Variants in ZNF385D observed in about 807,000 individuals in gnomAD.
ZNF385D encodes zinc finger protein 659.
ZNF385D carries 15 observed loss-of-function variants against 35.8 expected under a neutral mutation model. The ratio of observed to expected loss-of-function variants is 0.42; its 90% confidence interval spans 0.28 to 0.64. ZNF385D has a LOEUF of 0.64. Ranked by LOEUF, ZNF385D falls within the 30% of genes least tolerant of loss-of-function variation. The pLI is 0.23. For synonymous variants in ZNF385D, 212 were observed against 186.8 expected (o/e 1.13, Z -1.10); for missense variants, 474 against 494.6 (o/e 0.96, Z 0.39).
At chr3:21,934,121 T>C (rs985356353) in intron 3 of ZNF385D, among the ~76,000 whole-genome samples, 9 of 152,004 alleles carry the variant, frequency 5.9e-5, no homozygotes, top group Non-Finnish European at 1.0e-4. Flanking sequence ...CAAGGGAAAA[T>C]AGTGATATTT....
rs138826540 is a variant in ZNF385D at position 21,982,249 on chromosome 3, T to G, written c.325+186568A>C. Among the ~76,000 whole-genome samples the G allele has an allele frequency of 4.3e-3, 659 of 152,204 alleles. 7 individuals carry two copies. The highest frequency in any genetic ancestry group is 0.015 in the African/African-American group (618 of 41,544). On this transcript the variant is annotated intron_variant, in intron 3 of 5. Transcript: ENST00000494108. ...TTTGTTTGTGTCTTGTCTTATTTCT[T>G]TGAGCAATGTTTTGTAATTCCCATG... is the stretch of plus-strand genomic sequence containing the variant.
At chr3:22,047,932 T>C (rs1485764897) in intron 3 of ZNF385D, among the ~76,000 whole-genome samples, 3 of 152,198 alleles carry the variant, frequency 2.0e-5, no homozygotes, top group Admixed American at 6.5e-5. Flanking sequence ...TTTTTGCTAA[T>C]ATTATTCTAA....
At chr3:22,293,727 A>T (rs530677275) in intron 2 of ZNF385D, among the ~76,000 whole-genome samples, 1 of 152,232 alleles carries the variant, frequency 6.6e-6, no homozygotes, top group African/African-American at 2.4e-5. Flanking sequence ...ACTGGCCCCA[A>T]GACCAGCAGA....
chr3:22,128,711 T>C (rs532591025), intron 3 of ZNF385D, among the ~76,000 whole-genome samples: 12 of 152,286 alleles, frequency 7.9e-5, no homozygotes, highest in African/African-American at 2.6e-4. Context: ...CAGCAGAATT[T>C]TGAAGAGCAG....
At chr3:22,133,332 G>A (rs1402535895) in intron 3 of ZNF385D, among the ~76,000 whole-genome samples, 1 of 151,978 alleles carries the variant, frequency 6.6e-6, no homozygotes, top group African/African-American at 2.4e-5. Context: ...AGATTATGCA[G>A]TAGAATACTG....
intron 3 of ZNF385D, among the ~76,000 whole-genome samples, chr3:21,538,100 C>A (rs1203902785): frequency 1.3e-5 from 2 of 151,816 alleles, no homozygotes; most frequent in South Asian, 2.1e-4. Context: ...GCCAGTGGAA[C>A]CAGAGGGATG....
At chr3:21,928,155 G>T (rs1403420817) in intron 3 of ZNF385D, among the ~76,000 whole-genome samples, 1 of 151,990 alleles carries the variant, frequency 6.6e-6, no homozygotes, top group African/African-American at 2.4e-5. Context: ...CAGTTGTAGT[G>T]TGCTATCTTC....
chr3:21,972,584 G>A (rs1703330724), intron 3 of ZNF385D, among the ~76,000 whole-genome samples: 2 of 151,742 alleles, frequency 1.3e-5, no homozygotes, highest in African/African-American at 2.4e-5. Flanking sequence ...ATGAACTTCG[G>A]AGCAGAAATA....
intron 3 of ZNF385D, chr3:22,168,500 C>G (rs554790323): frequency 6.6e-6 from 1 of 152,294 alleles, no homozygotes; most frequent in African/African-American, 2.4e-5. Flanking sequence ...AACCCACTGT[C>G]CTATACACTG....
intron 3 of ZNF385D, among the ~76,000 whole-genome samples, chr3:22,010,340 A>C (rs1249041261): frequency 6.6e-6 from 1 of 152,212 alleles, no homozygotes; most frequent in Non-Finnish European, 1.5e-5. Flanking sequence ...CAAAATTCAC[A>C]AGTGTTCTAT....
intron 2 of ZNF385D, among the ~76,000 whole-genome samples, chr3:22,185,935 A>G (rs1695600939): frequency 6.6e-6 from 1 of 152,220 alleles, no homozygotes; most frequent in African/African-American, 2.4e-5. Flanking sequence ...ATGACAGGAC[A>G]GTGGCAGAAG....
intron 1 of ZNF385D, among the ~76,000 whole-genome samples, chr3:21,704,900 C>T (rs1271421330): frequency 6.6e-6 from 1 of 152,096 alleles, no homozygotes; most frequent in Admixed American, 6.5e-5. Flanking sequence ...AAGCTTAACC[C>T]TAGCATCCCT....
chr3:21,697,099 T>C (rs1452685917), intron 1 of ZNF385D, among the ~76,000 whole-genome samples: 3 of 152,170 alleles, frequency 2.0e-5, no homozygotes, highest in Non-Finnish European at 4.4e-5. Flanking sequence ...ATCCATTAAC[T>C]GGCTGTGTGA....
At chr3:22,045,941 G>C (rs1698980702) in intron 3 of ZNF385D, among the ~76,000 whole-genome samples, 1 of 141,858 alleles carries the variant, frequency 7.0e-6, no homozygotes, top group Non-Finnish European at 1.6e-5. Flanking sequence ...CAGGTGTAGA[G>C]CTAGGGACTA....
rs1553649514 is a variant in ZNF385D at position 22,329,076 on chromosome 3, C to CATAA, written c.106+43373_106+43374insTTAT. The stretch of plus-strand genomic sequence containing the variant: ...TGGGCGACAGAGCGAGACTCCGTCT[C>CATAA]AAAAAAAAAAAAAAAAAAAAAGAGT... On this transcript the variant is annotated intron_variant, in intron 2 of 5. Coordinates refer to the ZNF385D transcript ENST00000494108. Among the ~76,000 whole-genome samples, 127 of 74,894 alleles carry CATAA rather than the reference C, an allele frequency of 1.7e-3. 1 individual carries two copies. Among genetic ancestry groups the CATAA allele is most frequent in the African/African-American group, 6.4e-3 (120 of 18,746 alleles). 49.1% of individuals were successfully genotyped at this position (74,894 alleles called of 152,430 possible). A position where few individuals can be genotyped will look rare whatever the true frequency, so the allele number is the denominator to read the frequency against.
intron 3 of ZNF385D, among the ~76,000 whole-genome samples, chr3:22,110,101 C>G (rs1478750499): frequency 6.6e-6 from 1 of 152,016 alleles, no homozygotes; most frequent in African/African-American, 2.4e-5. Flanking sequence ...TCATCTCACA[C>G]CAGTTAGAAT....
exon 3 of ZNF385D, chr3:22,168,821 G>T: frequency 1.0e-6 from 1 of 985,684 alleles, no homozygotes; most frequent in Non-Finnish European, 1.2e-6. Context: ...GCTTACCATT[G>T]TCATTTTTCA....
chr3:22,144,917 CAT>C (rs1162284737), intron 3 of ZNF385D, among the ~76,000 whole-genome samples: 1 of 151,916 alleles, frequency 6.6e-6, no homozygotes, highest in African/African-American at 2.4e-5. Context: ...TGATGAAAAA[CAT>C]ATAAAATATT....
At chr3:21,773,268 A>AC (rs34530641) in intron 3 of ZNF385D, among the ~76,000 whole-genome samples, 21,810 of 151,856 alleles carry the variant, frequency 0.14, 1,929 homozygotes, top group Non-Finnish European at 0.18. Flanking sequence ...AAAGATATTT[A>AC]CCATTTTGTG....
Sources: gnomAD v4.1 joint callset for allele counts (sites outside exome capture counted in the v4.1 genomes callset) on GRCh38, gnomAD v4.1.1 for gene constraint, MANE v1.5 for transcripts, NCBI Gene and HGNC (gene_info 2026-07-23, HGNC 2026-07-21) for gene names.